The following CPLX1 variants were observed in gnomAD, a reference collection of about 807,000 sequenced individuals.
The protein encoded by CPLX1 is complexin 1.
CPLX1 carries 6 observed loss-of-function variants against 15.6 expected under a neutral mutation model. The observed-to-expected ratio is 0.39, with a 90% confidence interval of 0.21 to 0.76. The LOEUF is 0.76. CPLX1 is among the 30% of genes least tolerant of loss of function. The probability of loss-of-function intolerance (pLI) is 0.43; values close to 1 mark genes in which losing one functional copy is unlikely to be tolerated. For synonymous variants in CPLX1, 91 were observed against 75.2 expected (o/e 1.21, Z -1.08); for missense variants, 242 against 188.6 (o/e 1.28, Z -1.66).
intron 3 of CPLX1, chr4:787,132 G>A (rs1746021656): frequency 1.0e-6 from 1 of 985,306 alleles, no homozygotes; most frequent in South Asian, 4.7e-5. Flanking sequence ...CCTGGTCCAC[G>A]ACCTGCATTC....
chr4:787,352 A>G (rs3816679), intron 3 of CPLX1: 65,797 of 984,294 alleles, frequency 0.067, 3,702 homozygotes, highest in African/African-American at 0.28. Flanking sequence ...CGCGTTTCTC[A>G]TCTCCCGTGA....
Position 786,459 on chromosome 4 carries a change from G to A in CPLX1, c.*42C>T. 2 of 1,510,280 alleles carry A rather than the reference G, an allele frequency of 1.3e-6. No individual in the cohort carries two copies. Among genetic ancestry groups the A allele is most frequent in the Non-Finnish European group, 1.8e-6 (2 of 1,124,128 alleles). The allele number at this position is 1,510,280 out of a possible 1,614,324, so 93.6% of individuals were successfully genotyped here. On this transcript the variant is annotated 3_prime_UTR_variant, in exon 4 of 4. Transcript: ENST00000304062. ...GGGGCCTCCGCGGAGGATCTGTAGG[G>A]GGAGGGGCGGGGGCTCCGCGGGGCC... is the stretch of plus-strand genomic sequence containing the variant.
intron 2 of CPLX1, among the ~76,000 whole-genome samples, chr4:795,806 GGGGGGGGGGT>G (rs1746320018): frequency 9.5e-6 from 1 of 105,756 alleles, no homozygotes; most frequent in Non-Finnish European, 1.8e-5. Flanking sequence ...GAGAGGGGGT[GGGGGGGGGGT>G]GCAGATCGCG....
intron 2 of CPLX1, chr4:805,027 C>A (rs1233006727): frequency 2.2e-5 from 17 of 759,666 alleles, no homozygotes; most frequent in Non-Finnish European, 2.6e-5. Context: ...CGCTCGCGCA[C>A]CGTCTGTCTC....
At chr4:788,357 C>A (rs1238884724) in intron 3 of CPLX1, 1 of 984,732 alleles carries the variant, frequency 1.0e-6, no homozygotes, top group African/African-American at 1.8e-5. Context: ...GCCAGGGCCA[C>A]CTTCAGTGAG....
chr4:824,620 G>C lies in CPLX1; in HGVS notation c.-79-19C>G. 7.6e-7 allele frequency: 1 copy of C among 1,314,420 alleles called. No individual in the cohort carries two copies. Among genetic ancestry groups the C allele is most frequent in the Non-Finnish European group, 1.1e-6 (1 of 910,048 alleles). 81.4% of individuals were successfully genotyped at this position (1,314,420 alleles called of 1,614,324 possible). On this transcript the variant is annotated intron_variant, in intron 1 of 3. Coordinates refer to ENST00000304062, the MANE Select transcript of CPLX1 (RefSeq NM_006651.4). ...GTTCTTCCTGGGGGAGAGTGAAGTG[G>C]TCACAGGTCACCCTAAGCAGGCCCC...
At chr4:818,482 A>T (rs1746802122) in intron 2 of CPLX1, among the ~76,000 whole-genome samples, 1 of 152,210 alleles carries the variant, frequency 6.6e-6, no homozygotes, top group Non-Finnish European at 1.5e-5. Context: ...GAAGTGCCAC[A>T]AACACCTCTT....
At chr4:789,560 C>T (rs1384421619) in intron 3 of CPLX1, among the ~76,000 whole-genome samples, 1 of 152,164 alleles carries the variant, frequency 6.6e-6, no homozygotes, top group Non-Finnish European at 1.5e-5. Context: ...CCTCAGAAGG[C>T]CCGTGCAGGA....
Position 786,666 on chromosome 4 carries a change from G to T in CPLX1, c.240C>A (p.Ala80=). The part of the protein sequence containing the change: ...YGIKKKEERE[A]EAQAAMEANS... ...TGGCCTCCATGGCGGCCTGGGCCTCGGCCTCGCGCTCCTCCTTCTTCTTGA... is the reference window on the plus strand; with the variant it reads ...TGGCCTCCATGGCGGCCTGGGCCTCTGCCTCGCGCTCCTCCTTCTTCTTGA... Residue 80 remains alanine, a synonymous_variant, in exon 4 of 4, where the codon GCC becomes GCA. Transcript: ENST00000304062. 1 of 1,610,892 alleles carries T rather than the reference G, an allele frequency of 6.2e-7. No individual in the cohort carries two copies. Among genetic ancestry groups the T allele is most frequent in the Non-Finnish European group, 8.5e-7 (1 of 1,178,626 alleles).
chr4:803,813 G>A (rs138002033), intron 2 of CPLX1, among the ~76,000 whole-genome samples: 2,880 of 152,316 alleles, frequency 0.019, 52 homozygotes, highest in Non-Finnish European at 0.028. Flanking sequence ...GGGATTACAG[G>A]CGTGTGCCAC....
At chr4:823,984 G>C (rs1288288275) in intron 2 of CPLX1, among the ~76,000 whole-genome samples, 1 of 152,230 alleles carries the variant, frequency 6.6e-6, no homozygotes, top group Non-Finnish European at 1.5e-5. Context: ...GGATGGCGCT[G>C]CCTCACCCAA....
intron 1 of CPLX1, chr4:824,880 A>T (rs1167631000): frequency 2.2e-6 from 1 of 456,072 alleles, no homozygotes; most frequent in Non-Finnish European, 4.2e-6. Flanking sequence ...GCCTGGCGCC[A>T]GGCTGCGGAA....
intron 2 of CPLX1, chr4:804,976 G>C: frequency 1.0e-6 from 1 of 977,802 alleles, no homozygotes; most frequent in Non-Finnish European, 1.2e-6. Flanking sequence ...GCGGCGGCCG[G>C]CTAGGGCGGG....
intron 2 of CPLX1, among the ~76,000 whole-genome samples, chr4:807,641 A>AT (rs778719798): frequency 6.6e-5 from 10 of 151,072 alleles, no homozygotes; most frequent in South Asian, 2.1e-4. Context: ...TGCCCGGCCA[A>AT]TTTTTTTTTA....
At chr4:801,761 G>T (rs1746464912) in intron 2 of CPLX1, among the ~76,000 whole-genome samples, 1 of 152,228 alleles carries the variant, frequency 6.6e-6, no homozygotes. Flanking sequence ...GTTACATGAT[G>T]CATGACTGCA....
intron 3 of CPLX1, among the ~76,000 whole-genome samples, chr4:791,049 C>T (rs1330109962): frequency 6.6e-6 from 1 of 152,124 alleles, no homozygotes; most frequent in Non-Finnish European, 1.5e-5. Context: ...CCTTCCTTCT[C>T]CTCCTGTCCC....
At chr4:787,780 C>CA (rs1226379319) in intron 3 of CPLX1, 58 of 985,244 alleles carry the variant, frequency 5.9e-5, no homozygotes, top group Non-Finnish European at 6.9e-5. Context: ...CACACTCCTC[C>CA]AGCCCTCCCG....
In CPLX1 at chr4:786,695, C is replaced by T. The variant is rs754312433; in HGVS notation, c.211G>A (p.Gly71Ser). The T allele has an allele frequency of 1.3e-6, 2 of 1,596,818 alleles. No individual in the cohort carries two copies. The highest frequency in any genetic ancestry group is 1.7e-6 in the Non-Finnish European group (2 of 1,170,178). Residue 71 changes from glycine to serine, a missense_variant, in exon 4 of 4, where the codon GGC becomes AGC. Coordinates refer to ENST00000304062, the MANE Select transcript of CPLX1 (RefSeq NM_006651.4). ...AVRQGIRDKY[G>S]IKKKEEREAE... ...TCGCGCTCCTCCTTCTTCTTGATGC[C>T]GTACTGCGGGGGAGGCGGGGGTCAG...
chr4:817,956 G>C (rs996951832), intron 2 of CPLX1, among the ~76,000 whole-genome samples: 1 of 152,160 alleles, frequency 6.6e-6, no homozygotes, highest in Non-Finnish European at 1.5e-5. Context: ...AGTCTGACAG[G>C]GGACACTGGA....
Sources: gnomAD v4.1 joint callset for allele counts (sites outside exome capture counted in the v4.1 genomes callset) on GRCh38, gnomAD v4.1.1 for gene constraint, MANE v1.5 for transcripts, NCBI Gene and HGNC (gene_info 2026-07-23, HGNC 2026-07-21) for gene names.